The following SYP variants were observed in gnomAD, a reference collection of about 807,000 sequenced individuals.
SYP encodes the protein major synaptic vesicle protein P38.
Under a neutral mutation model 24.3 loss-of-function variants are expected in SYP, and 2 were observed. The observed-to-expected ratio is 0.08, with a 90% confidence interval of 0.03 to 0.26. SYP has a LOEUF of 0.26. SYP is among the 10% of genes least tolerant of loss of function. SYP has a pLI of 1.00. For synonymous variants in SYP, 143 were observed against 123.2 expected (o/e 1.16, Z -1.07); for missense variants, 216 against 266.3 (o/e 0.81, Z 1.32).
chrX:49,191,173 C>G (rs1232902956), intron 6 of SYP: 4 of 416,153 alleles, frequency 9.6e-6, no homozygotes, highest in South Asian at 3.5e-5. Flanking sequence ...GCCTTTCCGC[C>G]GAGTTGCCCT....
At chrX:49,199,378 G>C (rs1248409752) in intron 1 of SYP, among the ~76,000 whole-genome samples, 1 of 107,602 alleles carries the variant, frequency 9.3e-6, no homozygotes, top group Non-Finnish European at 1.9e-5. Context: ...CATTCGGGTG[G>C]GGGGGTTGTG....
At chrX:49,195,464 G>A (rs1239703408) in intron 3 of SYP, among the ~76,000 whole-genome samples, 1 of 110,372 alleles carries the variant, frequency 9.1e-6, no homozygotes, top group Non-Finnish European at 1.9e-5. Flanking sequence ...TCAGGTCCCC[G>A]AGAGAAAAAA....
At chrX:49,193,534 C>T (rs1440866290) in intron 4 of SYP, 71 bp from the exon 5 acceptor site, 17 of 1,099,613 alleles carry the variant, frequency 1.5e-5, no homozygotes, top group African/African-American at 9.1e-5. Flanking sequence ...GGGGCCTCCT[C>T]GGATCACAGG....
At chrX:49,192,473 G>A (rs113543622) in intron 5 of SYP, among the ~76,000 whole-genome samples, 3 of 112,619 alleles carry the variant, frequency 2.7e-5, no homozygotes, top group East Asian at 2.8e-4. Flanking sequence ...GATTACTGGC[G>A]TGAGCTACCG....
chrX:49,192,156 ATATATG>A (rs2065512282), intron 5 of SYP, among the ~76,000 whole-genome samples: 1 of 112,910 alleles, frequency 8.9e-6, no homozygotes, highest in African/African-American at 3.2e-5. Context: ...TGTAGATAAA[ATATATG>A]TATAAGTGCA....
chrX:49,191,327 C>T, intron 6 of SYP, 106 bp downstream of exon 6: 2 of 950,726 alleles, frequency 2.1e-6, no homozygotes, highest in Non-Finnish European at 2.9e-6. Flanking sequence ...TTACTTGCCC[C>T]AGTAAACGCC....
In SYP at chrX:49,197,827, A is replaced by G; in HGVS notation, c.115T>C (p.Phe39Leu). ...VKVLQWVFAI[F>L]AFATCGSYSG... The stretch of plus-strand genomic sequence containing the variant: ...TAGCTGCCGCATGTGGCAAAGGCGA[A>G]GATGGCGAAGACCTTGGGCAGCAGG... Residue 39 changes from phenylalanine (F) to leucine (L), a missense_variant, in exon 3 of 7, where the codon TTC becomes CTC. Transcript: ENST00000263233. The G allele has an allele frequency of 8.3e-7, 1 of 1,209,579 alleles. No homozygotes were observed. The highest frequency in any genetic ancestry group is 1.1e-6 in the Non-Finnish European group (1 of 894,446).
chrX:49,199,751 C>T (rs1480339086), intron 1 of SYP, among the ~76,000 whole-genome samples: 1 of 108,572 alleles, frequency 9.2e-6, no homozygotes, highest in Non-Finnish European at 1.9e-5. Context: ...CGGGTGCCAG[C>T]CCTCTCCCCC....
intron 1 of SYP, 25 bp downstream of exon 1, chrX:49,200,126 C>T (rs1366294824): frequency 1.4e-5 from 16 of 1,165,852 alleles, no homozygotes; most frequent in Non-Finnish European, 1.7e-5. Flanking sequence ...GCGGCGGGCT[C>T]TGTCCACGGT....
chrX:49,193,004 G>A (rs2065515751), intron 5 of SYP, among the ~76,000 whole-genome samples: 1 of 112,135 alleles, frequency 8.9e-6, no homozygotes, highest in Non-Finnish European at 1.9e-5. Flanking sequence ...GGTCCCAAGA[G>A]GGTGCTGAGT....
intron 6 of SYP, among the ~76,000 whole-genome samples, chrX:49,190,379 C>T (rs1358774576): frequency 9.1e-6 from 1 of 110,351 alleles, no homozygotes; most frequent in African/African-American, 3.3e-5. Context: ...GGGGTTTCAC[C>T]GTGTTGGCCA....
intron 3 of SYP, among the ~76,000 whole-genome samples, chrX:49,195,502 C>T (rs1376750048): frequency 8.2e-5 from 9 of 109,792 alleles, no homozygotes; most frequent in Non-Finnish European, 3.8e-5. Context: ...GAGAGGCCAG[C>T]GACTAGATAA....
At position 49,191,729 on chromosome X, in the gene SYP, C is replaced by T. The variant is rs1602610137; in HGVS notation, c.650G>A (p.Gly217Asp). The T allele has an allele frequency of 1.7e-6, 2 of 1,208,478 alleles. No individual in the cohort carries two copies. The highest frequency in any genetic ancestry group is 2.2e-6 in the Non-Finnish European group (2 of 893,981). Residue 217 changes from glycine to aspartate, a missense_variant, in exon 6 of 7, where the codon GGC becomes GAC. Gly to Asp is a moderately conservative substitution (Grantham distance 94, BLOSUM62 -1). Around this residue, in one of 2 missense-constraint regions of SYP, gnomAD observed 114 missense variants for 107.9 expected, o/e 1.06. Transcript: ENST00000263233. ...CTCCTTAAACACGAACCACAGGTTG[C>T]CGACCCAGAGCACCAGGTTCAGGAA... ...FGFLNLVLWV[G>D]NLWFVFKETG...
chrX:49,195,353 T>C (rs1357343822), intron 3 of SYP, among the ~76,000 whole-genome samples: 1 of 110,434 alleles, frequency 9.1e-6, no homozygotes, highest in Non-Finnish European at 1.9e-5. Context: ...GGAAGTGCAT[T>C]AACTTGCCTA....
chrX:49,197,433 G>A (rs1284697289), intron 3 of SYP: 3 of 370,207 alleles, frequency 8.1e-6, no homozygotes, highest in Middle Eastern at 6.6e-4. Flanking sequence ...CTGGGTTAAG[G>A]TATGTATATA....
chrX:49,189,464 C>T (rs2065498848), intron 6 of SYP, among the ~76,000 whole-genome samples, 182 bp from the exon 7 acceptor site: 1 of 111,116 alleles, frequency 9.0e-6, no homozygotes, highest in African/African-American at 3.3e-5. Context: ...GGGTTAGGTA[C>T]CAAAGAGATT....
rs1557102340 is a variant in SYP, at chrX:49,188,975, C to T, written c.*312G>A. ...AGCCGAGGTCTGTTCCCTCCCTGTC[C>T]TCCTTTTAGATCCCCTTAACCTCAG... On this transcript the variant is annotated 3_prime_UTR_variant, in exon 7 of 7. Coordinates refer to ENST00000263233, the MANE Select transcript of SYP (RefSeq NM_003179.3). 1 of 109,672 alleles carries T rather than the reference C, an allele frequency of 9.1e-6. No homozygotes were observed. The allele number at this position is 109,672 out of a possible 1,213,427, so 9.0% of individuals were successfully genotyped here.
At chrX:49,190,606 C>T (rs1303801930) in intron 6 of SYP, 3 of 109,265 alleles carry the variant, frequency 2.7e-5, no homozygotes, top group East Asian at 2.9e-4. Flanking sequence ...GCAGCCTCAA[C>T]CTCCTGGGCT....
intron 5 of SYP, 31 bp from the exon 6 acceptor site, chrX:49,191,794 C>A: frequency 8.5e-7 from 1 of 1,177,677 alleles, no homozygotes; most frequent in Non-Finnish European, 1.1e-6. Context: ...GCTGTGGTAC[C>A]CCGCCCATTG....
Sources: allele counts gnomAD v4.1 joint callset (sites outside exome capture counted in the v4.1 genomes callset), GRCh38; gene constraint gnomAD v4.1.1; regional missense constraint gnomAD v4.1.1; transcripts MANE v1.5; gene names NCBI Gene and HGNC (gene_info 2026-07-23, HGNC 2026-07-21).